Variants in GRK5 observed in about 807,000 individuals in gnomAD.
The protein encoded by GRK5 is g protein-coupled receptor kinase GRK5.
GRK5 carries 40 observed loss-of-function variants against 78.4 expected under a neutral mutation model. The ratio of observed to expected loss-of-function variants is 0.51; its 90% CI spans 0.40 to 0.66. The LOEUF is 0.66. GRK5 is among the 30% of genes least tolerant of loss of function. The pLI is 0.00. For missense variants in GRK5, 598 were observed against 759.9 expected (o/e 0.79, Z 2.50); for synonymous variants, 289 against 296.8 (o/e 0.97, Z 0.27).
chr10:119,224,824 C>T (rs1848709537), intron 1 of GRK5, among the ~76,000 whole-genome samples: 1 of 152,162 alleles, frequency 6.6e-6, no homozygotes, highest in Non-Finnish European at 1.5e-5. Flanking sequence ...ATGAGAAGTT[C>T]AAAGGGAAAA....
intron 1 of GRK5, among the ~76,000 whole-genome samples, chr10:119,214,976 C>G (rs1039752131): frequency 6.6e-6 from 1 of 152,184 alleles, no homozygotes; most frequent in African/African-American, 2.4e-5. Flanking sequence ...GAGGCCTGGG[C>G]GGGTAGACGG....
intron 1 of GRK5, among the ~76,000 whole-genome samples, chr10:119,255,592 A>C (rs183127577): frequency 5.3e-5 from 8 of 152,282 alleles, no homozygotes; most frequent in Non-Finnish European, 1.2e-4. Flanking sequence ...ACTGAGACTC[A>C]GAGAGCTCTG....
At chr10:119,438,628 T>C (rs1852971066) in intron 9 of GRK5, among the ~76,000 whole-genome samples, 1 of 152,140 alleles carries the variant, frequency 6.6e-6, no homozygotes, top group Non-Finnish European at 1.5e-5. Flanking sequence ...AAGTTCCAGC[T>C]CGTCTTCTTC....
chr10:119,453,456 A>C (rs1486217667), intron 15 of GRK5, among the ~76,000 whole-genome samples, 180 bp downstream of exon 15: 1 of 152,126 alleles, frequency 6.6e-6, no homozygotes, highest in Non-Finnish European at 1.5e-5. Context: ...AGCTGATGGG[A>C]TCCCCGGGGA....
At chr10:119,326,713 G>A in intron 2 of GRK5, 102 bp downstream of exon 2, 1 of 837,344 alleles carries the variant, frequency 1.2e-6, no homozygotes. Context: ...AGCTGTCTGT[G>A]CAGTGAGGCA....
At chr10:119,272,769 T>C (rs1239714020) in intron 1 of GRK5, among the ~76,000 whole-genome samples, 1 of 152,044 alleles carries the variant, frequency 6.6e-6, no homozygotes, top group Non-Finnish European at 1.5e-5. Flanking sequence ...CCACAGAATC[T>C]GGAGTGGGGA....
At chr10:119,282,814 T>A (rs1013721436) in intron 1 of GRK5, among the ~76,000 whole-genome samples, 3 of 152,212 alleles carry the variant, frequency 2.0e-5, no homozygotes, top group African/African-American at 7.2e-5. Flanking sequence ...CTTGAGCGCT[T>A]TCTCCTGCCC....
chr10:119,303,259 G>A (rs543432496), intron 1 of GRK5, among the ~76,000 whole-genome samples: 5 of 152,196 alleles, frequency 3.3e-5, no homozygotes, highest in Non-Finnish European at 5.9e-5. Flanking sequence ...AACTAATAAC[G>A]TCTGATAGTG....
chr10:119,283,517 A>G (rs1849796485), intron 1 of GRK5, among the ~76,000 whole-genome samples: 1 of 152,238 alleles, frequency 6.6e-6, no homozygotes, highest in Admixed American at 6.5e-5. Context: ...CTTGAGTTCC[A>G]GGCTTCAGGA....
chr10:119,220,719 C>T (rs1254777378), intron 1 of GRK5, among the ~76,000 whole-genome samples: 2 of 151,614 alleles, frequency 1.3e-5, no homozygotes, highest in Non-Finnish European at 2.9e-5. Flanking sequence ...CCTGTAATCT[C>T]GGCTACTTGG....
intron 1 of GRK5, among the ~76,000 whole-genome samples, chr10:119,301,108 G>GAA: frequency 7.1e-6 from 1 of 141,474 alleles, no homozygotes; most frequent in African/African-American, 2.6e-5. Context: ...AGTCCCAAAA[G>GAA]AAAAAAAAAA....
intron 1 of GRK5, among the ~76,000 whole-genome samples, chr10:119,216,954 A>G (rs188007723): frequency 6.6e-6 from 1 of 152,162 alleles, no homozygotes; most frequent in Non-Finnish European, 1.5e-5. Context: ...TTAAAAAAAA[A>G]CATAAAAATA....
At chr10:119,210,273 C>T (rs1174194052) in intron 1 of GRK5, among the ~76,000 whole-genome samples, 3 of 152,202 alleles carry the variant, frequency 2.0e-5, no homozygotes, top group East Asian at 1.9e-4. Flanking sequence ...GAGACTGACA[C>T]GTGAACAAGA....
At chr10:119,424,872 C>A in intron 5 of GRK5, 121 bp from the exon 6 acceptor site, 1 of 721,652 alleles carries the variant, frequency 1.4e-6, no homozygotes, top group African/African-American at 1.7e-5. Context: ...GCCAGACGTG[C>A]TGCATCTGCA....
intron 2 of GRK5, among the ~76,000 whole-genome samples, chr10:119,358,914 T>C (rs1441038311): frequency 6.6e-6 from 1 of 152,130 alleles, no homozygotes; most frequent in African/African-American, 2.4e-5. Context: ...TCCTCTGAGC[T>C]CTCTGGTGTC....
intron 2 of GRK5, chr10:119,335,841 G>A (rs546307402): frequency 6.6e-6 from 1 of 152,380 alleles, no homozygotes; most frequent in Admixed American, 6.5e-5. Flanking sequence ...GCTGCTGCCA[G>A]CCCTGTGACT....
intron 3 of GRK5, among the ~76,000 whole-genome samples, chr10:119,381,832 C>T (rs10787960): frequency 0.15 from 22,875 of 152,114 alleles, 1,878 homozygotes; most frequent in East Asian, 0.37. Context: ...GCAGCCATCC[C>T]GACCTCTATC....
At chr10:119,295,518 G>A (rs929495731) in intron 1 of GRK5, among the ~76,000 whole-genome samples, 3 of 152,030 alleles carry the variant, frequency 2.0e-5, no homozygotes, top group Non-Finnish European at 2.9e-5. Context: ...AGTTGCACAC[G>A]CATATTTATA....
At chr10:119,260,831 C>T (rs1849370765) in intron 1 of GRK5, among the ~76,000 whole-genome samples, 4 of 151,864 alleles carry the variant, frequency 2.6e-5, no homozygotes, top group South Asian at 4.2e-4. Context: ...GGCAACCATC[C>T]GATTTCTCAA....
Sources: gnomAD v4.1 joint callset for allele counts (sites outside exome capture counted in the v4.1 genomes callset) on GRCh38, gnomAD v4.1.1 for gene constraint, MANE v1.5 for transcripts, NCBI Gene and HGNC (gene_info 2026-07-23, HGNC 2026-07-21) for gene names.